The following VPS13B variants were observed in gnomAD, a reference collection of about 807,000 sequenced individuals.
VPS13B encodes the protein vacuolar protein sorting 13 homolog B.
VPS13B carries 285 observed loss-of-function variants against 426.4 expected under a neutral mutation model. The ratio of observed to expected loss-of-function variants is 0.67; its 90% CI spans 0.61 to 0.74. The LOEUF is 0.74. Ranked by LOEUF, VPS13B falls within the 30% of genes least tolerant of loss-of-function variation. The pLI is 0.00. For synonymous variants in VPS13B, 1,676 were observed against 1,676.4 expected, an observed-to-expected ratio of 1.00 and a Z score of 0.01; for missense variants, 4,537 against 4,782.6, an observed-to-expected ratio of 0.95 and a Z score of 1.51.
chr8:99,816,183 A>G (rs1440730728), intron 44 of VPS13B, among the ~76,000 whole-genome samples: 5 of 142,958 alleles, frequency 3.5e-5, no homozygotes, highest in Non-Finnish European at 7.7e-5. Flanking sequence ...GCTCACCGCA[A>G]CCTCCACCTG....
At chr8:99,045,661 G>A (rs1843203596) in intron 3 of VPS13B, among the ~76,000 whole-genome samples, 1 of 152,122 alleles carries the variant, frequency 6.6e-6, no homozygotes, top group Admixed American at 6.5e-5. Context: ...TTATCTTCTA[G>A]AATTTTTATA....
chr8:99,086,312 G>A (rs982215261), intron 3 of VPS13B, among the ~76,000 whole-genome samples: 1 of 152,122 alleles, frequency 6.6e-6, no homozygotes, highest in Non-Finnish European at 1.5e-5. Flanking sequence ...AGCTCCATCA[G>A]ATCCTTTAAG....
chr8:99,289,234 A>C (rs1333630240), intron 19 of VPS13B, among the ~76,000 whole-genome samples: 1 of 152,172 alleles, frequency 6.6e-6, no homozygotes, highest in Non-Finnish European at 1.5e-5. Flanking sequence ...TTACAGGAAG[A>C]GTTAAGAACA....
rs187151724 is a variant in VPS13B at position 99,384,331 on chromosome 8, A to T, written c.2934+14A>T. The stretch of plus-strand genomic sequence containing the variant: ...CATATGCAACAGGTAAGAGATTTTT[A>T]AATAATTTTTTCTGTTAACAAATAT... On this transcript the variant is annotated intron_variant, in intron 20 of 61. Transcript: ENST00000357162. 15,719 of 1,599,654 alleles carry T rather than the reference A, an allele frequency of 9.8e-3. 167 individuals are homozygous for T. The highest frequency in any genetic ancestry group is 0.038 in the South Asian group (3,453 of 90,490).
chr8:99,297,717 C>T (rs1339211637), intron 19 of VPS13B, among the ~76,000 whole-genome samples: 2 of 152,174 alleles, frequency 1.3e-5, no homozygotes, highest in Non-Finnish European at 2.9e-5. Flanking sequence ...AGACAATTTT[C>T]TATGCAACGT....
intron 19 of VPS13B, among the ~76,000 whole-genome samples, chr8:99,381,251 C>A (rs1784750936): frequency 6.6e-6 from 1 of 152,160 alleles, no homozygotes; most frequent in South Asian, 2.1e-4. Flanking sequence ...TTTTTTATGG[C>A]TGCATAGTAT....
At chr8:99,841,144 GTTTTC>G (rs1815662263) in intron 54 of VPS13B, among the ~76,000 whole-genome samples, 1 of 152,156 alleles carries the variant, frequency 6.6e-6, no homozygotes, top group African/African-American at 2.4e-5. Context: ...AATATCCACT[GTTTTC>G]TTTTCATCTC....
chr8:99,422,335 A>C (rs934675685), intron 21 of VPS13B, among the ~76,000 whole-genome samples: 2 of 152,178 alleles, frequency 1.3e-5, no homozygotes, highest in Non-Finnish European at 2.9e-5. Flanking sequence ...TTTACAAAAA[A>C]CATGTAGCTG....
At chr8:99,872,244 C>T (rs552551856) in intron 61 of VPS13B, among the ~76,000 whole-genome samples, 1 of 152,290 alleles carries the variant, frequency 6.6e-6, no homozygotes, top group South Asian at 2.1e-4. Flanking sequence ...AAACAAGACT[C>T]TCCACTCCCT....
At position 99,717,322 on chromosome 8, in the gene VPS13B, A is replaced by G; in HGVS notation, c.6606A>G (p.Pro2202=). Residue 2202 remains proline (P), a synonymous_variant, in exon 37 of 62, where the codon CCA becomes CCG. Coordinates refer to ENST00000357162, the MANE Select transcript of VPS13B (RefSeq NM_152564.5). ...KWCKHSGNPG[P]EQSIPKISID... ...GTAAACACAGCGGGAATCCAGGCCC[A>G]GAACAATCCATACCAAAAATATCCA... The G allele has an allele frequency of 6.2e-7, 1 of 1,614,084 alleles. No homozygotes were observed. The highest frequency in any genetic ancestry group is 8.5e-7 in the Non-Finnish European group (1 of 1,179,982).
chr8:99,464,095 T>C (rs907075078), intron 23 of VPS13B, among the ~76,000 whole-genome samples: 1 of 152,134 alleles, frequency 6.6e-6, no homozygotes, highest in Non-Finnish European at 1.5e-5. Flanking sequence ...TTCTCTCGAG[T>C]GTTATACTCA....
At chr8:99,773,785 A>G (rs1368830128) in intron 40 of VPS13B, among the ~76,000 whole-genome samples, 1 of 152,204 alleles carries the variant, frequency 6.6e-6, no homozygotes, top group Non-Finnish European at 1.5e-5. Flanking sequence ...GTCATTGGCC[A>G]TGAATTTGAC....
intron 25 of VPS13B, among the ~76,000 whole-genome samples, chr8:99,499,729 CAGTG>C (rs1009938035): frequency 5.3e-5 from 8 of 152,038 alleles, no homozygotes; most frequent in African/African-American, 1.9e-4. Context: ...ACTGCACAAA[CAGTG>C]AGATATTTGC....
intron 17 of VPS13B, among the ~76,000 whole-genome samples, chr8:99,261,502 A>G (rs2132951080): frequency 6.6e-6 from 1 of 152,308 alleles, no homozygotes; most frequent in East Asian, 1.9e-4. Flanking sequence ...TGTTTTGGCA[A>G]CTACCAGTAA....
intron 25 of VPS13B, among the ~76,000 whole-genome samples, chr8:99,490,186 T>G (rs1332889683): frequency 6.6e-6 from 1 of 152,220 alleles, no homozygotes; most frequent in East Asian, 1.9e-4. Context: ...TGGTTCTGTT[T>G]ATGTGATGGA....
At chr8:99,175,441 C>G (rs1159545497) in intron 16 of VPS13B, among the ~76,000 whole-genome samples, 1 of 152,130 alleles carries the variant, frequency 6.6e-6, no homozygotes, top group African/African-American at 2.4e-5. Context: ...TGGATTTTGT[C>G]TATTTTATCA....
intron 21 of VPS13B, among the ~76,000 whole-genome samples, chr8:99,394,235 A>G (rs1172604173): frequency 6.6e-6 from 1 of 152,186 alleles, no homozygotes; most frequent in South Asian, 2.1e-4. Context: ...TTTTAAATTT[A>G]TATCATCACA....
intron 19 of VPS13B, among the ~76,000 whole-genome samples, chr8:99,326,901 CAT>C (rs1449320279): frequency 1.3e-5 from 2 of 152,222 alleles, no homozygotes; most frequent in Admixed American, 6.5e-5. Context: ...ATCTCAGACA[CAT>C]GAGACCACTT....
intron 54 of VPS13B, 121 bp downstream of exon 54, chr8:99,835,859 GA>G: frequency 2.0e-6 from 2 of 1,017,664 alleles, no homozygotes; most frequent in African/African-American, 3.2e-5. Context: ...CTGTGTGAGA[GA>G]ACATGTGTAT....
Sources: gnomAD v4.1 joint callset for allele counts (sites outside exome capture counted in the v4.1 genomes callset) on GRCh38, gnomAD v4.1.1 for gene constraint, MANE v1.5 for transcripts, NCBI Gene and HGNC (gene_info 2026-07-23, HGNC 2026-07-21) for gene names.